LOC400499: variants seen among roughly 807,000 people sequenced by gnomAD.
chr16:11,448,926 A>G, the LOC400499 span: 55 of 1,478,792 alleles, frequency 3.7e-5, no homozygotes, highest in South Asian at 6.0e-4. Flanking sequence ...TACCCACTCC[A>G]GGTGCCTGTA....
chr16:11,509,665 A>G, the LOC400499 span, among the ~76,000 whole-genome samples: 1 of 151,684 alleles, frequency 6.6e-6, no homozygotes, highest in African/African-American at 2.4e-5. Context: ...ACCTGTCTCT[A>G]TTAAAAATAC....
the LOC400499 span, among the ~76,000 whole-genome samples, chr16:11,504,889 C>T: frequency 1.2e-4 from 18 of 152,202 alleles, no homozygotes; most frequent in Middle Eastern, 3.4e-3. Context: ...CACAACTGCA[C>T]TCCAGCCTGG....
At chr16:11,387,090 A>C in the LOC400499 span, 4 of 1,232,346 alleles carry the variant, frequency 3.2e-6, no homozygotes, top group African/African-American at 6.2e-5. Context: ...GGAGGGCGGC[A>C]CAGCCCGGGG....
At chr16:11,521,183 A>G in the LOC400499 span, among the ~76,000 whole-genome samples, 2 of 152,218 alleles carry the variant, frequency 1.3e-5, no homozygotes. Context: ...AAAATACAAC[A>G]AAACGGCTTT....
chr16:11,486,324 G>T, the LOC400499 span, among the ~76,000 whole-genome samples: 9 of 129,352 alleles, frequency 7.0e-5, no homozygotes, highest in African/African-American at 2.0e-4. Flanking sequence ...ACAGATGATG[G>T]GTGGGTAGAT....
chr16:11,378,657 G>C, the LOC400499 span, among the ~76,000 whole-genome samples: 3 of 152,334 alleles, frequency 2.0e-5, no homozygotes, highest in South Asian at 6.2e-4. Flanking sequence ...TTGGTCTCAA[G>C]ATACTTTCTG....
chr16:11,495,223 AAAAAG>A, the LOC400499 span, among the ~76,000 whole-genome samples: 1 of 149,272 alleles, frequency 6.7e-6, no homozygotes, highest in Non-Finnish European at 1.5e-5. Context: ...AAAAAAAAAA[AAAAAG>A]AAAACAAAAC....
the LOC400499 span, among the ~76,000 whole-genome samples, chr16:11,433,640 A>T: frequency 6.6e-6 from 1 of 152,232 alleles, no homozygotes; most frequent in Admixed American, 6.5e-5. Context: ...CAGAAAGATC[A>T]AGCCATGATT....
At chr16:11,379,813 G>A in the LOC400499 span, among the ~76,000 whole-genome samples, 21 of 152,140 alleles carry the variant, frequency 1.4e-4, no homozygotes, top group Admixed American at 1.2e-3. Context: ...TTTTGTGTAC[G>A]TTCTGTAGAT....
At chr16:11,441,542 T>C in the LOC400499 span, among the ~76,000 whole-genome samples, 1 of 152,226 alleles carries the variant, frequency 6.6e-6, no homozygotes, top group Non-Finnish European at 1.5e-5. Context: ...ATGACATCCA[T>C]GTCCTCATCA....
At chr16:11,458,420 G>A in the LOC400499 span, among the ~76,000 whole-genome samples, 523 of 151,662 alleles carry the variant, frequency 3.4e-3, 3 homozygotes, top group African/African-American at 0.012. Context: ...CAGGAGAATC[G>A]CTTGAACCTG....
the LOC400499 span, among the ~76,000 whole-genome samples, chr16:11,413,206 G>C: frequency 6.6e-6 from 1 of 152,188 alleles, no homozygotes. Context: ...GACAGAGAAT[G>C]TGCTCCCGGG....
chr16:11,486,036 T>C, the LOC400499 span, among the ~76,000 whole-genome samples: 3 of 151,502 alleles, frequency 2.0e-5, no homozygotes, highest in Admixed American at 6.6e-5. Context: ...GTTTGGTAAA[T>C]GGATTGAGTG....
chr16:11,426,629 C>T, the LOC400499 span, among the ~76,000 whole-genome samples: 3 of 151,078 alleles, frequency 2.0e-5, no homozygotes, highest in Non-Finnish European at 3.0e-5. Context: ...ACCTAAATGG[C>T]ATAAAAATAT....
chr16:11,411,208 G>A, the LOC400499 span: 1 of 399,334 alleles, frequency 2.5e-6, no homozygotes, highest in Non-Finnish European at 4.4e-6. Context: ...CTGGGCATCT[G>A]GAACCAGTTA....
the LOC400499 span, among the ~76,000 whole-genome samples, chr16:11,505,890 T>A: frequency 6.6e-6 from 1 of 152,180 alleles, no homozygotes; most frequent in Admixed American, 6.5e-5. Flanking sequence ...ACGTTCAAAT[T>A]CTTCTCTTCC....
At chr16:11,372,321 C>G in the LOC400499 span, 1 of 152,286 alleles carries the variant, frequency 6.6e-6, no homozygotes, top group Non-Finnish European at 1.5e-5. Context: ...AGCTGAGGAC[C>G]TGGCTTCGTG....
the LOC400499 span, chr16:11,439,503 G>T: frequency 2.5e-6 from 1 of 399,092 alleles, no homozygotes; most frequent in East Asian, 3.6e-5. Context: ...AAGTTTGGAG[G>T]AAATGTTGGT....
chr16:11,485,060 A>G, the LOC400499 span: 2 of 398,864 alleles, frequency 5.0e-6, no homozygotes, highest in African/African-American at 2.1e-5. Flanking sequence ...AGCATTTTCC[A>G]GCCGGAGCCC....
Sources: allele counts gnomAD v4.1 joint callset (sites outside exome capture counted in the v4.1 genomes callset), GRCh38; gene constraint gnomAD v4.1.1; transcripts MANE v1.5.